Variants in ESRRB observed in about 807,000 individuals in gnomAD.
The protein encoded by ESRRB is estrogen related receptor beta.
ESRRB carries 16 observed loss-of-function variants against 46.0 expected under a neutral mutation model. The ratio of observed to expected loss-of-function variants is 0.35; its 90% CI spans 0.24 to 0.53. The LOEUF (loss-of-function observed/expected upper bound fraction) is 0.53. ESRRB is among the 20% of genes least tolerant of loss of function. The probability of loss-of-function intolerance (pLI) is 0.93; values close to 1 mark genes in which losing one functional copy is unlikely to be tolerated. For missense variants in ESRRB, 488 were observed against 607.4 expected (o/e 0.80, Z 2.07); for synonymous variants, 246 against 259.6 (o/e 0.95, Z 0.50).
intron 1 of ESRRB, among the ~76,000 whole-genome samples, chr14:76,410,102 T>C (rs1886370668): frequency 6.6e-6 from 1 of 152,102 alleles, no homozygotes; most frequent in Admixed American, 6.6e-5. Context: ...CACACGCCTG[T>C]ATTCCCAGCT....
Position 76,459,268 on chromosome 14 carries a change from C to T in ESRRB, c.461-3277C>T, listed in dbSNP as rs145922304. On this transcript the variant is annotated intron_variant, in intron 2 of 6. Transcript: ENST00000644823. ...CAAGCATTCGCCAGTGTGAGCTCCC[C>T]GTGTGTGCGCATTGAGCGGCTGGGT... Among the ~76,000 whole-genome samples, 1,305 of 152,078 alleles carry T rather than the reference C, an allele frequency of 8.6e-3. 18 individuals carry two copies. Among genetic ancestry groups the T allele is most frequent in the African/African-American group, 0.03 (1,224 of 41,480 alleles).
intron 2 of ESRRB, among the ~76,000 whole-genome samples, chr14:76,451,789 A>ATTTTTTTT (rs111716273): frequency 1.1e-4 from 14 of 122,770 alleles, no homozygotes; most frequent in East Asian, 2.4e-4. Flanking sequence ...TGCCCAGCTA[A>ATTTTTTTT]TTTTTTTTTT....
rs187533305 is a variant in ESRRB at position 76,335,076 on chromosome 14, C to T, written c.2+24160C>T. Among the ~76,000 whole-genome samples, 477 of 152,304 alleles carry T rather than the reference C, an allele frequency of 3.1e-3. 1 individual carries two copies. The highest frequency in any genetic ancestry group is 4.7e-3 in the Non-Finnish European group (317 of 68,016). On this transcript the variant is annotated intron_variant, in intron 1 of 6. Transcript: ENST00000512784. ...CCAGCCCCTCTCTGATGAAGGGCGC[C>T]GTAGTTCCCTATTGGTTCCCCTTAG...
At chr14:76,392,431 C>T (rs1046166102) in intron 1 of ESRRB, among the ~76,000 whole-genome samples, 6 of 152,176 alleles carry the variant, frequency 3.9e-5, no homozygotes, top group Non-Finnish European at 7.3e-5. Flanking sequence ...CGTAGGGAGT[C>T]CTGTCCCCCG....
chr14:76,464,442 T>C (rs2139995931), intron 3 of ESRRB, among the ~76,000 whole-genome samples: 1 of 152,304 alleles, frequency 6.6e-6, no homozygotes, highest in African/African-American at 2.4e-5. Context: ...GGTCCCCCAC[T>C]TCACCTCAGC....
intron 1 of ESRRB, among the ~76,000 whole-genome samples, chr14:76,394,330 A>G (rs1885587809): frequency 6.6e-6 from 1 of 152,130 alleles, no homozygotes; most frequent in African/African-American, 2.4e-5. Context: ...TGCTCACGAC[A>G]ATAGTAATAT....
chr14:76,420,854 C>T (rs1886925865), intron 1 of ESRRB, among the ~76,000 whole-genome samples: 1 of 152,154 alleles, frequency 6.6e-6, no homozygotes, highest in Admixed American at 6.5e-5. Flanking sequence ...AGACCACCCT[C>T]ACACACCCCA....
At chr14:76,351,213 C>T (rs1445362295) in intron 1 of ESRRB, among the ~76,000 whole-genome samples, 1 of 152,138 alleles carries the variant, frequency 6.6e-6, no homozygotes, top group Non-Finnish European at 1.5e-5. Flanking sequence ...AGAGTGGTTT[C>T]CTAGGGCAGC....
At chr14:76,327,060 G>C (rs947723496) in intron 1 of ESRRB, among the ~76,000 whole-genome samples, 25 of 152,274 alleles carry the variant, frequency 1.6e-4, no homozygotes, top group Admixed American at 1.3e-4. Flanking sequence ...GCTTGTGTTT[G>C]TGTCTCTCTT....
chr14:76,398,969 G>A (rs1885818235), intron 1 of ESRRB, among the ~76,000 whole-genome samples: 1 of 152,144 alleles, frequency 6.6e-6, no homozygotes, highest in Admixed American at 6.5e-5. Flanking sequence ...CAGTTGCATA[G>A]GTGGGTTAGG....
intron 2 of ESRRB, among the ~76,000 whole-genome samples, chr14:76,448,429 A>G (rs1888245473): frequency 6.6e-6 from 1 of 151,404 alleles, no homozygotes; most frequent in Admixed American, 6.6e-5. Flanking sequence ...CCCAGGTCCA[A>G]GTGATTCTTC....
chr14:76,431,000 T>TA (rs1304448842), intron 1 of ESRRB, among the ~76,000 whole-genome samples: 7 of 152,152 alleles, frequency 4.6e-5, no homozygotes, highest in African/African-American at 1.2e-4. Flanking sequence ...GATTCCAGCG[T>TA]AAAAAACAGT....
chr14:76,407,425 A>G (rs1886237374), intron 1 of ESRRB: 24 of 473,302 alleles, frequency 5.1e-5, no homozygotes, highest in Non-Finnish European at 6.6e-5. Context: ...TGAGGGCCGA[A>G]GAGCCTGCAT....
Position 76,498,644 on chromosome 14 carries a change from G to GGGGGGGGGT in ESRRB, c.*186_*187insGGGGGGGGT. 2 of 462,804 alleles carry GGGGGGGGGT rather than the reference G, an allele frequency of 4.3e-6. No individual in the cohort carries two copies. The highest frequency in any genetic ancestry group is 8.3e-6 in the Non-Finnish European group (2 of 240,394). The allele number at this position is 462,804 out of a possible 1,614,324, so 28.7% of individuals were successfully genotyped here. ...CGGGTGCAGTGGGGTGGGGGACGGG[G>GGGGGGGGGT]ATGGGGGGGCAGGGGTGTGGGGCTC... is the stretch of plus-strand genomic sequence containing the variant. On this transcript the variant is annotated 3_prime_UTR_variant, in exon 7 of 7. Transcript: ENST00000644823.
At chr14:76,382,577 C>G (rs948721075) in intron 1 of ESRRB, among the ~76,000 whole-genome samples, 1 of 152,184 alleles carries the variant, frequency 6.6e-6, no homozygotes, top group African/African-American at 2.4e-5. Flanking sequence ...TAGCCATTGA[C>G]AGGTTGTGGC....
chr14:76,451,830 A>G (rs1179335192), intron 2 of ESRRB, among the ~76,000 whole-genome samples: 4 of 130,506 alleles, frequency 3.1e-5, no homozygotes, highest in African/African-American at 1.2e-4. Context: ...ACAGGGTTTC[A>G]CTGTGTTGGC....
rs1595060344 is a variant in ESRRB, at chr14:76,376,266, C to G, written c.-136C>G. 2 of 554,642 alleles carry G rather than the reference C, an allele frequency of 3.6e-6. No homozygotes were observed. Among genetic ancestry groups the G allele is most frequent in the East Asian group, 7.0e-5 (2 of 28,618 alleles). The allele number at this position is 554,642 out of a possible 1,614,324, so 34.4% of individuals were successfully genotyped here. A position where few individuals can be genotyped will look rare whatever the true frequency, so the allele number is the denominator to read the frequency against. On this transcript the variant is annotated 5_prime_UTR_variant, in exon 1 of 7. Transcript: ENST00000644823. This position sits in a 1 kb window ranked among gnomAD's most constrained non-coding sequence, Gnocchi z 4.1. ...CTGCCTCCCTCTCCCCCGCCGCGGCCGCCTCCTCCCACTCTGCGTTCTCGC... is the reference window on the plus strand; with the variant it reads ...CTGCCTCCCTCTCCCCCGCCGCGGCGGCCTCCTCCCACTCTGCGTTCTCGC...
chr14:76,448,178 T>G (rs1447101404), intron 2 of ESRRB, among the ~76,000 whole-genome samples: 1 of 152,178 alleles, frequency 6.6e-6, no homozygotes, highest in East Asian at 1.9e-4. Flanking sequence ...GGAAGGCTTC[T>G]CTGATTCTCT....
chr14:76,483,268 T>C (rs1028577451), intron 5 of ESRRB, among the ~76,000 whole-genome samples: 2 of 152,192 alleles, frequency 1.3e-5, no homozygotes, highest in African/African-American at 4.8e-5. Context: ...GACCTCTCTG[T>C]CAAATGGGAA....
Sources: gnomAD v4.1 joint callset for allele counts (sites outside exome capture counted in the v4.1 genomes callset) on GRCh38, gnomAD v4.1.1 for gene constraint, Gnocchi (gnomAD v3.1) non-coding constraint, MANE v1.5 for transcripts, NCBI Gene and HGNC (gene_info 2026-07-23, HGNC 2026-07-21) for gene names.